The following GREB1L variants were observed in gnomAD, a reference collection of about 807,000 sequenced individuals.
The protein encoded by GREB1L is GREB1 like retinoic acid receptor coactivator.
Under a neutral mutation model 200.8 loss-of-function variants are expected in GREB1L, and 17 were observed. That is an observed-to-expected ratio of 0.08 (90% CI 0.06 to 0.13). The LOEUF (loss-of-function observed/expected upper bound fraction) is 0.13, where lower values mean the gene tolerates loss of function less well. GREB1L is among the 10% of genes least tolerant of loss of function. The probability of loss-of-function intolerance (pLI) is 1.00; values close to 1 mark genes in which losing one functional copy is unlikely to be tolerated. For synonymous variants in GREB1L, 789 were observed against 893.0 expected (o/e 0.88, Z 2.08); for missense variants, 1,657 against 2,367.7 (o/e 0.70, Z 6.23).
intron 7 of GREB1L, among the ~76,000 whole-genome samples, chr18:21,408,444 G>A (rs1460352472): frequency 6.6e-6 from 1 of 152,108 alleles, no homozygotes; most frequent in African/African-American, 2.4e-5. Context: ...AGATACAAAT[G>A]GCTAATAAGC....
At chr18:21,375,699 C>G (rs2040043647) in intron 2 of GREB1L, among the ~76,000 whole-genome samples, 1 of 152,178 alleles carries the variant, frequency 6.6e-6, no homozygotes, top group African/African-American at 2.4e-5. Flanking sequence ...TGGTTCTACC[C>G]TGTTTACCTG....
At chr18:21,291,822 G>C (rs1281285011) in intron 1 of GREB1L, among the ~76,000 whole-genome samples, 1 of 152,152 alleles carries the variant, frequency 6.6e-6, no homozygotes, top group Non-Finnish European at 1.5e-5. Context: ...CTGGCCGTAC[G>C]TGCAGGGATC....
intron 1 of GREB1L, among the ~76,000 whole-genome samples, chr18:21,254,964 C>G (rs2037778775): frequency 6.6e-6 from 1 of 152,190 alleles, no homozygotes; most frequent in East Asian, 1.9e-4. Context: ...ATGGGATTAC[C>G]ATAACTGATG....
At chr18:21,395,105 CAAAAAAAAAAA>C (rs372663303) in intron 4 of GREB1L, among the ~76,000 whole-genome samples, 1 of 64,064 alleles carries the variant, frequency 1.6e-5, no homozygotes, top group Non-Finnish European at 3.4e-5. Flanking sequence ...GACTCCATCT[CAAAAAAAAAAA>C]AAAAAAGAAA....
chr18:21,375,203 T>A, intron 2 of GREB1L, among the ~76,000 whole-genome samples: 1 of 152,006 alleles, frequency 6.6e-6, no homozygotes, highest in South Asian at 2.1e-4. Flanking sequence ...TAGCTGGGAC[T>A]ATAGGCACGC....
chr18:21,260,636 C>G (rs2037874415), intron 1 of GREB1L, among the ~76,000 whole-genome samples: 8 of 151,766 alleles, frequency 5.3e-5, no homozygotes, highest in Admixed American at 5.3e-4. Flanking sequence ...ATACTTTTCC[C>G]TTAACTCTTA....
intron 1 of GREB1L, among the ~76,000 whole-genome samples, chr18:21,259,418 A>G (rs1567911239): frequency 6.6e-6 from 1 of 152,158 alleles, no homozygotes; most frequent in Non-Finnish European, 1.5e-5. Context: ...TTAAGCACCT[A>G]TAATTGGAAG....
At chr18:21,363,246 C>T (rs1304040057) in intron 1 of GREB1L, among the ~76,000 whole-genome samples, 1 of 143,012 alleles carries the variant, frequency 7.0e-6, no homozygotes, top group Non-Finnish European at 1.5e-5. Context: ...AAAGAAGATA[C>T]TTGAGAAAGG....
chr18:21,520,467 A>G (rs771243515), intron 31 of GREB1L, among the ~76,000 whole-genome samples: 2 of 152,218 alleles, frequency 1.3e-5, no homozygotes, highest in Non-Finnish European at 2.9e-5. Flanking sequence ...ATTATGAAAC[A>G]TAAATAAGAG....
intron 23 of GREB1L, among the ~76,000 whole-genome samples, chr18:21,501,993 G>A: frequency 6.6e-6 from 1 of 152,222 alleles, no homozygotes; most frequent in East Asian, 1.9e-4. Context: ...CGGTGCAGTA[G>A]CTCACGCCTG....
chr18:21,397,295 C>A (rs1334366585), intron 5 of GREB1L, among the ~76,000 whole-genome samples: 3 of 151,410 alleles, frequency 2.0e-5, no homozygotes, highest in African/African-American at 7.3e-5. Context: ...GAGATCGAGA[C>A]CTCTGGCTAA....
intron 1 of GREB1L, among the ~76,000 whole-genome samples, chr18:21,321,087 A>T (rs1165335850): frequency 6.6e-6 from 1 of 152,016 alleles, no homozygotes; most frequent in East Asian, 1.9e-4. Flanking sequence ...TGAGGTCAGG[A>T]GGTCAAGCCC....
rs535859676 is a variant in GREB1L, at chr18:21,389,358, A to G, written c.355+4955A>G. On this transcript the variant is annotated intron_variant, in intron 4 of 32. Transcript: ENST00000424526. ...GTTTTTTTTTTTTTTTTTTCATCAA[A>G]TAGGAATTTTCTCTTTTCACGGGCA... is the stretch of plus-strand genomic sequence containing the variant. Among the ~76,000 whole-genome samples, 32 of 130,162 alleles carry G rather than the reference A, an allele frequency of 2.5e-4. 1 individual carries two copies. The South Asian group carries it at 7.9e-3, about 32-fold the overall frequency. The allele number at this position is 130,162 out of a possible 152,430, so 85.4% of individuals were successfully genotyped here.
At chr18:21,400,328 G>A (rs2144505488) in intron 5 of GREB1L, among the ~76,000 whole-genome samples, 1 of 152,214 alleles carries the variant, frequency 6.6e-6, no homozygotes, top group Admixed American at 6.5e-5. Context: ...GTCTGAGTGA[G>A]GAATTGTTTG....
intron 7 of GREB1L, among the ~76,000 whole-genome samples, chr18:21,431,565 G>A (rs1344636193): frequency 6.6e-6 from 1 of 152,122 alleles, no homozygotes; most frequent in African/African-American, 2.4e-5. Context: ...AATCTCCCTG[G>A]TGCCCTTGAA....
chr18:21,434,499 A>ATGTGTGTGTG (rs67516917), intron 7 of GREB1L, among the ~76,000 whole-genome samples: 4 of 127,280 alleles, frequency 3.1e-5, no homozygotes, highest in African/African-American at 1.3e-4. Flanking sequence ...ATATATATAT[A>ATGTGTGTGTG]TGTGTGTGTG....
chr18:21,280,765 G>T (rs1449483287), intron 1 of GREB1L, among the ~76,000 whole-genome samples: 2 of 151,894 alleles, frequency 1.3e-5, no homozygotes, highest in African/African-American at 4.8e-5. Flanking sequence ...TAATAATTCT[G>T]GTTGTCTGCT....
At chr18:21,293,356 G>A in intron 1 of GREB1L, among the ~76,000 whole-genome samples, 1 of 152,140 alleles carries the variant, frequency 6.6e-6, no homozygotes, top group East Asian at 1.9e-4. Flanking sequence ...ACCCATTGAA[G>A]GTGGTAACCC....
At chr18:21,495,898 A>G in intron 20 of GREB1L, 113 bp downstream of exon 20, 1 of 613,102 alleles carries the variant, frequency 1.6e-6, no homozygotes, top group East Asian at 2.9e-5. Context: ...TGAGAAGAGG[A>G]TTGTTTAATG....
Sources: allele counts gnomAD v4.1 joint callset (sites outside exome capture counted in the v4.1 genomes callset), GRCh38; gene constraint gnomAD v4.1.1; transcripts MANE v1.5; gene names NCBI Gene and HGNC (gene_info 2026-07-23, HGNC 2026-07-21).